Variants in MANBA observed in about 807,000 individuals in gnomAD.
MANBA encodes the protein mannosidase beta, also known as beta-mannosidase.
Under a neutral mutation model 111.1 loss-of-function variants are expected in MANBA, and 83 were observed. The ratio of observed to expected loss-of-function variants is 0.75; its 90% CI spans 0.63 to 0.90. MANBA has a LOEUF of 0.90. Among genes scored for constraint, MANBA ranks in the 40% least tolerant of loss-of-function variants. The pLI is 0.00. For missense variants in MANBA, 1,036 were observed against 1,069.0 expected, an observed-to-expected ratio of 0.97 and a Z score of 0.43; for synonymous variants, 370 against 378.7, an observed-to-expected ratio of 0.98 and a Z score of 0.27.
chr4:102,703,035 A>C (rs1225205668), intron 5 of MANBA, among the ~76,000 whole-genome samples: 1 of 152,224 alleles, frequency 6.6e-6, no homozygotes, highest in South Asian at 2.1e-4. Flanking sequence ...CCAATATAGA[A>C]ATTTAGAAAA....
intron 13 of MANBA, among the ~76,000 whole-genome samples, chr4:102,641,475 G>C (rs1729876453): frequency 6.6e-6 from 1 of 152,234 alleles, no homozygotes. Context: ...AAGGGGGCTA[G>C]AGTGGATTTA....
intron 5 of MANBA, among the ~76,000 whole-genome samples, chr4:102,707,768 C>T (rs1168941440): frequency 6.6e-6 from 1 of 152,000 alleles, no homozygotes. Flanking sequence ...ACAAGTAGCT[C>T]AACTCACCCC....
intron 1 of MANBA, chr4:102,734,278 G>C (rs1723129809): frequency 1.4e-6 from 2 of 1,385,786 alleles, no homozygotes; most frequent in Admixed American, 2.4e-5. Flanking sequence ...ACTCTTCCGG[G>C]GGAGAAGGGC....
At chr4:102,650,856 C>T (rs1730302843) in intron 12 of MANBA, 155 bp from the exon 13 acceptor site, 1 of 654,636 alleles carries the variant, frequency 1.5e-6, no homozygotes, top group Non-Finnish European at 2.7e-6. Flanking sequence ...TACCATCCTA[C>T]TTGTTGCCAG....
chr4:102,729,638 C>G lies in MANBA; in HGVS notation c.178-2955G>C. Reference sequence around the variant, plus strand: ...TACACTTATTGATCTCATCCTCATACTTGTTCTTGAAGTCCTCCACCAGCC... The same window carrying G: ...TACACTTATTGATCTCATCCTCATAGTTGTTCTTGAAGTCCTCCACCAGCC... On this transcript the variant is annotated intron_variant, in intron 1 of 16. Coordinates refer to ENST00000647097, the MANE Select transcript of MANBA (RefSeq NM_005908.4). 4 of 1,210,676 alleles carry G rather than the reference C, an allele frequency of 3.3e-6. No homozygotes were observed. The South Asian group carries it at 4.8e-5, about 15-fold the overall frequency. The allele number at this position is 1,210,676 out of a possible 1,614,324, so 75.0% of individuals were successfully genotyped here.
Position 102,631,701 on chromosome 4 carries a change from C to T in MANBA, c.*356G>A, listed in dbSNP as rs7672268. 0.042 allele frequency: 22,511 copies of T among 531,228 alleles called. 491 individuals carry two copies. The highest frequency in any genetic ancestry group is 0.048 in the East Asian group (1,664 of 34,572). The allele number at this position is 531,228 out of a possible 1,614,324, so 32.9% of individuals were successfully genotyped here. On this transcript the variant is annotated 3_prime_UTR_variant, in exon 17 of 17. Coordinates refer to ENST00000647097, the MANE Select transcript of MANBA (RefSeq NM_005908.4). ...GTGAAAGACCTACATCACCTCAAAA[C>T]CTTCCATTTGGTTCCATAGATCCTG...
chr4:102,739,634 G>A (rs1723334646), intron 1 of MANBA, among the ~76,000 whole-genome samples: 1 of 151,932 alleles, frequency 6.6e-6, no homozygotes, highest in African/African-American at 2.4e-5. Context: ...AGGGATGCAG[G>A]TACATATGCA....
intron 11 of MANBA, among the ~76,000 whole-genome samples, chr4:102,658,462 C>A (rs1456879637): frequency 6.6e-6 from 1 of 152,206 alleles, no homozygotes; most frequent in Non-Finnish European, 1.5e-5. Flanking sequence ...TGGACCCAAA[C>A]GTGACTTTAA....
intron 1 of MANBA, chr4:102,729,699 T>A (rs776465711): frequency 6.4e-7 from 1 of 1,556,240 alleles, no homozygotes; most frequent in Non-Finnish European, 8.8e-7. Context: ...CAGCTTCAGC[T>A]TCTCCTGGCC....
chr4:102,720,078 A>ATGACT (rs1722504418), intron 4 of MANBA, among the ~76,000 whole-genome samples: 1 of 152,234 alleles, frequency 6.6e-6, no homozygotes, highest in African/African-American at 2.4e-5. Context: ...ATCTTTATTG[A>ATGACT]TGACTTGAAA....
chr4:102,730,079 G>T, intron 1 of MANBA: 1 of 861,334 alleles, frequency 1.2e-6, no homozygotes. Flanking sequence ...AGCTTATCTG[G>T]ACACTGGGCC....
chr4:102,651,096 C>A (rs1402384291), intron 12 of MANBA, among the ~76,000 whole-genome samples: 1 of 151,702 alleles, frequency 6.6e-6, no homozygotes, highest in East Asian at 1.9e-4. Flanking sequence ...TAATAGAATG[C>A]AATCAACACT....
chr4:102,670,122 TCCAG>T (rs1330066909), intron 9 of MANBA, among the ~76,000 whole-genome samples: 1 of 143,206 alleles, frequency 7.0e-6, no homozygotes, highest in Non-Finnish European at 1.5e-5. Flanking sequence ...ACCACTGCAT[TCCAG>T]CCTAGGCAAC....
chr4:102,727,068 T>C (rs560990522), intron 1 of MANBA, among the ~76,000 whole-genome samples: 2 of 152,330 alleles, frequency 1.3e-5, no homozygotes, highest in African/African-American at 4.8e-5. Context: ...TGAGCCATCA[T>C]GTCCGGCCTA....
chr4:102,706,559 G>A (rs1377258684), intron 5 of MANBA, among the ~76,000 whole-genome samples: 2 of 152,014 alleles, frequency 1.3e-5, no homozygotes, highest in African/African-American at 4.8e-5. Flanking sequence ...CAAAAGCAAG[G>A]AAATATGACA....
At chr4:102,760,065 T>C (rs1369437461) in intron 1 of MANBA, among the ~76,000 whole-genome samples, 1 of 150,248 alleles carries the variant, frequency 6.7e-6, no homozygotes, top group Non-Finnish European at 1.5e-5. Context: ...ACAAGTAGTC[T>C]GTAAATTGGA....
rs879770528 is a variant in MANBA at position 102,698,469 on chromosome 4, C to T, written c.674-7698G>A. On this transcript the variant is annotated intron_variant, in intron 5 of 16. Transcript: ENST00000647097. ...TGAATGGTAATGCCTAGGTTTTCTT[C>T]TAGGGTTTTTATGGTTTTAGGTCTA... Among the ~76,000 whole-genome samples, 461 of 148,782 alleles carry T rather than the reference C, an allele frequency of 3.1e-3. 1 individual carries two copies. Among genetic ancestry groups the T allele is most frequent in the Non-Finnish European group, 5.5e-3 (369 of 67,266 alleles).
chr4:102,726,799 C>CTT (rs1251555562), intron 1 of MANBA, 116 bp from the exon 2 acceptor site: 4 of 676,216 alleles, frequency 5.9e-6, no homozygotes, highest in Admixed American at 2.4e-5. Context: ...AATTAACGAA[C>CTT]TTTTAGCCTA....
chr4:102,726,309 T>C (rs373458942), intron 2 of MANBA, among the ~76,000 whole-genome samples: 38 of 152,272 alleles, frequency 2.5e-4, no homozygotes, highest in African/African-American at 6.7e-4. Context: ...TAGCACTACA[T>C]AGGGCATAAC....
Sources: allele counts gnomAD v4.1 joint callset (sites outside exome capture counted in the v4.1 genomes callset), GRCh38; gene constraint gnomAD v4.1.1; transcripts MANE v1.5; gene names NCBI Gene and HGNC (gene_info 2026-07-23, HGNC 2026-07-21).